KALRN: variants seen among roughly 807,000 people sequenced by gnomAD.
KALRN encodes kalirin.
Under a neutral mutation model 353.7 loss-of-function variants are expected in KALRN, and 70 were observed. The observed-to-expected ratio is 0.20, with a 90% CI of 0.16 to 0.24. KALRN has a LOEUF of 0.24. Among genes scored for constraint, KALRN ranks in the 10% least tolerant of loss-of-function variants. KALRN has a pLI of 1.00. For missense variants in KALRN, 2,791 were observed against 3,756.7 expected, an observed-to-expected ratio of 0.74 and a Z score of 6.72; for synonymous variants, 1,391 against 1,434.8, an observed-to-expected ratio of 0.97 and a Z score of 0.69.
chr3:124,327,860 G>C (rs1438536250), intron 7 of KALRN, among the ~76,000 whole-genome samples: 1 of 152,166 alleles, frequency 6.6e-6, no homozygotes, highest in Non-Finnish European at 1.5e-5. Flanking sequence ...TAGACTTTGA[G>C]GCAAGACACA....
At chr3:124,527,772 C>T (rs1200679079) in intron 33 of KALRN, among the ~76,000 whole-genome samples, 1 of 152,044 alleles carries the variant, frequency 6.6e-6, no homozygotes, top group East Asian at 1.9e-4. Context: ...TCAAACTATT[C>T]CCCCATCCTT....
chr3:124,514,222 T>C (rs564898196), intron 33 of KALRN, among the ~76,000 whole-genome samples: 9 of 152,288 alleles, frequency 5.9e-5, no homozygotes, highest in African/African-American at 2.2e-4. Context: ...CCAGTTAATA[T>C]AGTATTCACA....
At chr3:124,253,812 A>G (rs2071510436) in intron 3 of KALRN, among the ~76,000 whole-genome samples, 1 of 152,154 alleles carries the variant, frequency 6.6e-6, no homozygotes, top group South Asian at 2.1e-4. Context: ...TGAAACACAC[A>G]CCCAGGCCAA....
rs763385799 is a variant in KALRN at position 124,269,193 on chromosome 3, G to C, written c.907G>C (p.Val303Leu). 2 of 1,611,300 alleles carry C rather than the reference G, an allele frequency of 1.2e-6. No individual in the cohort carries two copies. Among genetic ancestry groups the C allele is most frequent in the African/African-American group, 1.3e-5 (1 of 74,890 alleles). The change falls in exon 5 of 60, where the codon GTG becomes CTG. Residue 303 changes from valine (V) to leucine (L), a missense_variant. Physicochemically the swap from Val to Leu is conservative, Grantham distance 32 (BLOSUM62 1). Around this residue, in one of 11 missense-constraint regions of KALRN, gnomAD observed 366 missense variants for 489.2 expected, o/e 0.75. Transcript: ENST00000682506. ...TRQHLHQMWH[V>L]RKLKLDQCFQ... is the part of the protein sequence containing the mutation. ...GCAGCACCTGCACCAGATGTGGCAT[G>C]TGCGCAAGCTCAAGCTGGACCAGTG...
In KALRN at chr3:124,413,762, A is replaced by G; in HGVS notation, c.2542+97A>G. 6 of 938,230 alleles carry G rather than the reference A, an allele frequency of 6.4e-6. 1 individual carries two copies. The highest frequency in any genetic ancestry group is 7.9e-6 in the Non-Finnish European group (5 of 631,398). The allele number at this position is 938,230 out of a possible 1,614,324, so 58.1% of individuals were successfully genotyped here. On this transcript the variant is annotated intron_variant, in intron 14 of 59. Coordinates refer to ENST00000682506, the MANE Select transcript of KALRN (RefSeq NM_001388419.1). ...CAGTGCCACATCGTTTATTCATTTT[A>G]TTCCTACAGATACAAAGAATAGAGA...
chr3:124,080,289 T>C (rs1010261734), intron 1 of KALRN, among the ~76,000 whole-genome samples: 13 of 152,244 alleles, frequency 8.5e-5, no homozygotes, highest in African/African-American at 3.1e-4. Context: ...GGCTGTACTT[T>C]AGAAAGAAAG....
intron 8 of KALRN, among the ~76,000 whole-genome samples, chr3:124,333,893 AAAAC>A (rs570730810): frequency 8.6e-4 from 131 of 152,334 alleles, no homozygotes; most frequent in African/African-American, 2.5e-3. Context: ...CTTTGTCTCA[AAAAC>A]AAACAAACAA....
chr3:124,332,757 G>A (rs2080721236), intron 8 of KALRN, among the ~76,000 whole-genome samples: 1 of 152,134 alleles, frequency 6.6e-6, no homozygotes, highest in South Asian at 2.1e-4. Flanking sequence ...GCCTTTCTCT[G>A]CATGTTCTAG....
intron 10 of KALRN, among the ~76,000 whole-genome samples, chr3:124,380,093 A>G (rs554187412): frequency 5.3e-5 from 8 of 152,230 alleles, no homozygotes; most frequent in African/African-American, 1.2e-4. Flanking sequence ...CATCCTCCTC[A>G]TTCCCAGGTA....
intron 33 of KALRN, among the ~76,000 whole-genome samples, chr3:124,503,597 C>A (rs1561161745): frequency 2.0e-5 from 3 of 152,128 alleles, no homozygotes; most frequent in South Asian, 4.2e-4. Flanking sequence ...CAACAAAATG[C>A]AGAGGTTTCT....
chr3:124,517,177 C>T (rs1206091940), intron 33 of KALRN, among the ~76,000 whole-genome samples: 1 of 152,168 alleles, frequency 6.6e-6, no homozygotes, highest in Non-Finnish European at 1.5e-5. Flanking sequence ...GTTCACCAGT[C>T]CTTTTGCTGT....
intron 2 of KALRN, among the ~76,000 whole-genome samples, chr3:124,233,707 ACT>A (rs1407402133): frequency 1.3e-5 from 2 of 151,842 alleles, no homozygotes; most frequent in African/African-American, 4.8e-5. Flanking sequence ...TCCCTGGGAG[ACT>A]CTGCCCTCTG....
rs1279533462 is a variant in KALRN, at chr3:124,697,631, A to G, written c.7738A>G (p.Arg2580Gly). The G allele has an allele frequency of 4.3e-6, 7 of 1,612,820 alleles. No individual in the cohort carries two copies. The highest frequency in any genetic ancestry group is 5.1e-6 in the Non-Finnish European group (6 of 1,179,564). The change falls in exon 55 of 60, where the codon AGA (arginine) becomes GGA (glycine). Residue 2580 changes from arginine to glycine, a missense_variant. Physicochemically the swap from Arg to Gly is moderately radical, Grantham distance 125 (BLOSUM62 -2). This residue lies in a region of KALRN where 1,065 missense variants were observed against 1,156.4 expected (regional missense o/e 0.92). Coordinates refer to ENST00000682506, the MANE Select transcript of KALRN (RefSeq NM_001388419.1). ...AAPNRPIAQE[R>G]SCTSVILRWL... Reference sequence around the variant, plus strand: ...CCCTAACCGCCCCATTGCCCAGGAGAGAAGCTGCACCTCCGTGATTCTCCG... The same window carrying G: ...CCCTAACCGCCCCATTGCCCAGGAGGGAAGCTGCACCTCCGTGATTCTCCG...
chr3:124,123,328 G>A (rs2064255633), intron 1 of KALRN, among the ~76,000 whole-genome samples: 1 of 152,160 alleles, frequency 6.6e-6, no homozygotes, highest in Non-Finnish European at 1.5e-5. Context: ...ATAAGAAGGG[G>A]AAACAACTTT....
intron 33 of KALRN, among the ~76,000 whole-genome samples, chr3:124,520,155 C>T (rs1233801914): frequency 6.6e-6 from 1 of 151,972 alleles, no homozygotes; most frequent in East Asian, 1.9e-4. Flanking sequence ...AGGGCAGGAA[C>T]AGGAGTATAA....
chr3:124,400,259 C>A (rs2090694351), intron 13 of KALRN, among the ~76,000 whole-genome samples: 1 of 152,124 alleles, frequency 6.6e-6, no homozygotes, highest in Non-Finnish European at 1.5e-5. Flanking sequence ...TATTGAGAAT[C>A]TGAAATGTAA....
At chr3:124,642,809 T>G (rs72966613) in intron 37 of KALRN, among the ~76,000 whole-genome samples, 1,548 of 88,040 alleles carry the variant, frequency 0.018, 100 homozygotes, top group Non-Finnish European at 0.017. Context: ...AAGCCTCGTT[T>G]TTTTTTTTTT....
chr3:124,546,721 C>T (rs1440192145), intron 33 of KALRN, among the ~76,000 whole-genome samples: 2 of 152,114 alleles, frequency 1.3e-5, no homozygotes, highest in Non-Finnish European at 2.9e-5. Context: ...GGGAGTGTCT[C>T]GGAAGGATCT....
intron 57 of KALRN, among the ~76,000 whole-genome samples, chr3:124,710,965 A>G (rs2062857765): frequency 1.3e-5 from 2 of 152,192 alleles, no homozygotes; most frequent in African/African-American, 4.8e-5. Flanking sequence ...AATTGTTTTC[A>G]TTGTTTCATT....
Sources: allele counts gnomAD v4.1 joint callset (sites outside exome capture counted in the v4.1 genomes callset), GRCh38; gene constraint gnomAD v4.1.1; regional missense constraint gnomAD v4.1.1; transcripts MANE v1.5; gene names NCBI Gene and HGNC (gene_info 2026-07-23, HGNC 2026-07-21).